The following CD5L variants were observed in gnomAD, a reference collection of about 807,000 sequenced individuals.
CD5L encodes CD5 molecule like.
Under a neutral mutation model 40.8 loss-of-function variants are expected in CD5L, and 39 were observed. The ratio of observed to expected loss-of-function variants is 0.96; its 90% CI spans 0.74 to 1.25. The LOEUF (loss-of-function observed/expected upper bound fraction) is 1.25. Ranked by LOEUF, CD5L falls within the 50% of genes most tolerant of loss-of-function variation. The probability of loss-of-function intolerance (pLI) is 0.00; values close to 1 mark genes in which losing one functional copy is unlikely to be tolerated. For synonymous variants in CD5L, 192 were observed against 169.6 expected, an observed-to-expected ratio of 1.13 and a Z score of -1.03; for missense variants, 433 against 435.9, an observed-to-expected ratio of 0.99 and a Z score of 0.06.
In CD5L at chr1:157,841,726, G is replaced by A. The variant is rs1451486305; in HGVS notation, c.-25C>T. The A allele has an allele frequency of 1.4e-5, 22 of 1,611,140 alleles. No homozygotes were observed. Among genetic ancestry groups the A allele is most frequent in the Non-Finnish European group, 1.9e-5 (22 of 1,178,130 alleles). On this transcript the variant is annotated 5_prime_UTR_variant, in exon 1 of 6. Transcript: ENST00000368174. ...TGACCAAGGCAGGTGAAGGTGATGA[G>A]CTGAAATTTAAGGCTAGAAGGAGGT...
Position 157,831,781 on chromosome 1 carries a change from G to A in CD5L, c.*183C>T, listed in dbSNP as rs1656055292. ...GGAACTCAACAGCTCACATCTACAG[G>A]CAGCAATGGGGGCTGCTTGTCCCTG... On this transcript the variant is annotated 3_prime_UTR_variant, in exon 6 of 6. Coordinates refer to ENST00000368174, the MANE Select transcript of CD5L (RefSeq NM_005894.3). 2.3e-6 allele frequency: 3 copies of A among 1,308,628 alleles called. No individual in the cohort carries two copies. The highest frequency in any genetic ancestry group is 2.9e-4 in the Middle Eastern group (1 of 3,396). The allele number at this position is 1,308,628 out of a possible 1,614,324, so 81.1% of individuals were successfully genotyped here. A position where few individuals can be genotyped will look rare whatever the true frequency, so the allele number is the denominator to read the frequency against.
Position 157,840,442 on chromosome 1 carries a change from T to G in CD5L, c.29-1032A>C, listed in dbSNP as rs149910394. Among the ~76,000 whole-genome samples the G allele has an allele frequency of 2.6e-5, 4 of 152,268 alleles. No individual in the cohort carries two copies. In the East Asian group the frequency reaches 7.7e-4, roughly 29 times the overall value. ...TATCTTTGGACCTCCAGCCTACAGT[T>G]TTTCAGGCAGATTCAAGTAGTTCAG... On this transcript the variant is annotated intron_variant, in intron 1 of 5. Coordinates refer to ENST00000368174, the MANE Select transcript of CD5L (RefSeq NM_005894.3).
In CD5L at chr1:157,834,541, G is replaced by T. The variant is rs927366784; in HGVS notation, c.584C>A (p.Ala195Asp). The T allele has an allele frequency of 1.2e-6, 2 of 1,614,212 alleles. No individual in the cohort carries two copies. The highest frequency in any genetic ancestry group is 4.5e-5 in the East Asian group (2 of 44,880). The change falls in exon 4 of 6, where the codon GCC becomes GAC. Residue 195 changes from alanine (A) to aspartate (D), a missense_variant. Transcript: ENST00000368174. ...VLTQKRCNKH[A>D]YGRKPIWLSQ... ...CAGCCAGATGGGTTTTCGGCCATAG[G>T]CATGCTTGTTGCAGCGTTTTTGAGT... is the stretch of plus-strand genomic sequence containing the variant.
rs966958477 is a variant in CD5L at position 157,836,258 on chromosome 1, A to C, written c.56-103T>G. 1.1e-5 allele frequency: 10 copies of C among 935,112 alleles called. No homozygotes were observed. The African/African-American group carries it at 1.3e-4, about 12-fold the overall frequency. 57.9% of individuals were successfully genotyped at this position (935,112 alleles called of 1,614,324 possible). A position where few individuals can be genotyped will look rare whatever the true frequency, so the allele number is the denominator to read the frequency against. On this transcript the variant is annotated intron_variant, in intron 2 of 5. Transcript: ENST00000368174. ...GACTCTTCCACCATTCAAATGGTGC[A>C]GAGTGTTGGGGAACTAGAAATAAGG...
chr1:157,832,005 A>G (rs918175110), intron 5 of CD5L, 37 bp from the exon 6 acceptor site: 3 of 1,473,224 alleles, frequency 2.0e-6, no homozygotes, highest in Admixed American at 1.9e-5. Flanking sequence ...AAGGATGGGT[A>G]TAGTCCAGGA....
chr1:157,835,937 G>T lies in CD5L; in HGVS notation c.274C>A (p.Gln92Lys). The change falls in exon 3 of 6, where the codon CAA becomes AAA. Residue 92 changes from glutamine to lysine, a missense_variant. Physicochemically the swap from Gln to Lys is moderately conservative, Grantham distance 53. Coordinates refer to ENST00000368174, the MANE Select transcript of CD5L (RefSeq NM_005894.3). ...TCTGTTCCTGTGCAACTGACTGATT[G>T]GATGAGGACCTTTTGCTCTTTTTCT... ...PAEKEQKVLI[Q>K]SVSCTGTEDT... 1 of 1,614,180 alleles carries T rather than the reference G, an allele frequency of 6.2e-7. No individual in the cohort carries two copies. The highest frequency in any genetic ancestry group is 2.2e-5 in the East Asian group (1 of 44,892).
rs1420420856 is a variant in CD5L, at chr1:157,831,893, T to A, written c.*71A>T. On this transcript the variant is annotated 3_prime_UTR_variant, in exon 6 of 6. Transcript: ENST00000368174. Reference sequence around the variant, plus strand: ...CTGAGCCCCAGAATGAGTATGAGGATAATCAGGGCTCAGGAGAACAAGCAG... The same window carrying A: ...CTGAGCCCCAGAATGAGTATGAGGAAAATCAGGGCTCAGGAGAACAAGCAG... 6.6e-7 allele frequency: 1 copy of A among 1,522,086 alleles called. No homozygotes were observed. Among genetic ancestry groups the A allele is most frequent in the East Asian group, 2.4e-5 (1 of 42,156 alleles). The allele number at this position is 1,522,086 out of a possible 1,614,324, so 94.3% of individuals were successfully genotyped here.
chr1:157,831,111 G>C lies in CD5L; in HGVS notation c.*853C>G. 1 of 985,264 alleles carries C rather than the reference G, an allele frequency of 1.0e-6. No homozygotes were observed. Among genetic ancestry groups the C allele is most frequent in the Non-Finnish European group, 1.2e-6 (1 of 829,904 alleles). 61.0% of individuals were successfully genotyped at this position (985,264 alleles called of 1,614,324 possible). ...AGTGAAAATGATATTTTTCACTTTC[G>C]CTTGGCATAAGACACAACTTTAGCC... On this transcript the variant is annotated 3_prime_UTR_variant, in exon 6 of 6. Coordinates refer to ENST00000368174, the MANE Select transcript of CD5L (RefSeq NM_005894.3).
chr1:157,831,319 T>C lies in CD5L; in HGVS notation c.*645A>G. The stretch of plus-strand genomic sequence containing the variant: ...AATCAGAGGATGAAACATCATTTTT[T>C]ACACGTCATGAAAAGGTCTAGGATT... On this transcript the variant is annotated 3_prime_UTR_variant, in exon 6 of 6. Coordinates refer to ENST00000368174, the MANE Select transcript of CD5L (RefSeq NM_005894.3). 1.0e-6 allele frequency: 1 copy of C among 985,426 alleles called. No individual in the cohort carries two copies. Among genetic ancestry groups the C allele is most frequent in the Non-Finnish European group, 1.2e-6 (1 of 829,930 alleles). The allele number at this position is 985,426 out of a possible 1,614,324, so 61.0% of individuals were successfully genotyped here.
Position 157,831,035 on chromosome 1 carries a change from C to T in CD5L, c.*929G>A. The T allele has an allele frequency of 1.0e-6, 1 of 985,148 alleles. No homozygotes were observed. Among genetic ancestry groups the T allele is most frequent in the Non-Finnish European group, 1.2e-6 (1 of 829,708 alleles). 61.0% of individuals were successfully genotyped at this position (985,148 alleles called of 1,614,324 possible). A position where few individuals can be genotyped will look rare whatever the true frequency, so the allele number is the denominator to read the frequency against. On this transcript the variant is annotated 3_prime_UTR_variant, in exon 6 of 6. Coordinates refer to ENST00000368174, the MANE Select transcript of CD5L (RefSeq NM_005894.3). ...ATTTTTACAATCAAGTCTTGATTCT[C>T]TTATTTCTGTCTTGCCTCAAGCTTA...
chr1:157,831,099 T>C lies in CD5L; in HGVS notation c.*865A>G. ...CTCAGTTGATAAAGTGAAAATGATATTTTTCACTTTCGCTTGGCATAAGAC... is the reference window on the plus strand; with the variant it reads ...CTCAGTTGATAAAGTGAAAATGATACTTTTCACTTTCGCTTGGCATAAGAC... On this transcript the variant is annotated 3_prime_UTR_variant, in exon 6 of 6. Transcript: ENST00000368174. 1.0e-6 allele frequency: 1 copy of C among 985,424 alleles called. No homozygotes were observed. Among genetic ancestry groups the C allele is most frequent in the Non-Finnish European group, 1.2e-6 (1 of 829,906 alleles). The allele number at this position is 985,424 out of a possible 1,614,324, so 61.0% of individuals were successfully genotyped here. A position where few individuals can be genotyped will look rare whatever the true frequency, so the allele number is the denominator to read the frequency against.
At chr1:157,835,024 A>G (rs907314143) in intron 3 of CD5L, among the ~76,000 whole-genome samples, 3 of 152,258 alleles carry the variant, frequency 2.0e-5, no homozygotes, top group Non-Finnish European at 4.4e-5. Flanking sequence ...TCCTCACAAG[A>G]GATCTTGTAT....
intron 1 of CD5L, among the ~76,000 whole-genome samples, chr1:157,841,231 A>G (rs1020320519): frequency 6.6e-6 from 1 of 152,202 alleles, no homozygotes; most frequent in Non-Finnish European, 1.5e-5. Context: ...TACTCTAAGC[A>G]ATGAGAAACT....
chr1:157,830,371 T>G (rs746194148), downstream of CD5L, among the ~76,000 whole-genome samples: 5 of 152,300 alleles, frequency 3.3e-5, no homozygotes, highest in Non-Finnish European at 7.4e-5. Flanking sequence ...TCTTCAGTGT[T>G]TTTTCATCCT....
downstream of CD5L, among the ~76,000 whole-genome samples, chr1:157,830,524 A>T (rs1356586277): frequency 6.6e-6 from 1 of 151,504 alleles, no homozygotes; most frequent in African/African-American, 2.4e-5. Context: ...CCCTCCTCCC[A>T]CTCTCTGTCT....
chr1:157,837,654 C>T (rs936799175), intron 2 of CD5L, among the ~76,000 whole-genome samples: 10 of 152,240 alleles, frequency 6.6e-5, no homozygotes, highest in Admixed American at 5.2e-4. Context: ...ATGGATAGAA[C>T]GTGACTGCTG....
Position 157,833,187 on chromosome 1 carries a change from C to G in CD5L, c.1039+5G>C. 6.2e-7 allele frequency: 1 copy of G among 1,606,428 alleles called. No individual in the cohort carries two copies. The highest frequency in any genetic ancestry group is 8.5e-7 in the Non-Finnish European group (1 of 1,174,462). ...GCCCTTATGAACTCCATCTGTAGGA[C>G]TCACCTGAGCAGATGACAGCCACAT... On this transcript the variant is annotated splice_donor_5th_base_variant and intron_variant, in intron 5 of 5. Coordinates refer to ENST00000368174, the MANE Select transcript of CD5L (RefSeq NM_005894.3).
chr1:157,831,143 G>C lies in CD5L; in HGVS notation c.*821C>G. The C allele has an allele frequency of 1.0e-6, 1 of 985,136 alleles. No homozygotes were observed. Among genetic ancestry groups the C allele is most frequent in the Non-Finnish European group, 1.2e-6 (1 of 829,764 alleles). The allele number at this position is 985,136 out of a possible 1,614,324, so 61.0% of individuals were successfully genotyped here. On this transcript the variant is annotated 3_prime_UTR_variant, in exon 6 of 6. Coordinates refer to ENST00000368174, the MANE Select transcript of CD5L (RefSeq NM_005894.3). ...ATAAGACACAACTTTAGCCCTCCCT[G>C]ATCTCTTTCTGCCTCTTTCTTGACC...
At position 157,833,283 on chromosome 1, in the gene CD5L, T is replaced by G. The variant is rs1656098531; in HGVS notation, c.948A>C (p.Ser316=). ...ACTGCTCCAGGGACTGCTCCTCCCC[T>G]GAGCAACGAACATTATCCAGCCAGA... The part of the protein sequence containing the change: ...GRIWLDNVRC[S]GEEQSLEQCQ... Residue 316 remains serine (S), a synonymous_variant, in exon 5 of 6, where the codon TCA becomes TCC. Coordinates refer to ENST00000368174, the MANE Select transcript of CD5L (RefSeq NM_005894.3). 6.2e-7 allele frequency: 1 copy of G among 1,614,018 alleles called. No homozygotes were observed. The highest frequency in any genetic ancestry group is 1.1e-5 in the South Asian group (1 of 91,082).
Sources: allele counts gnomAD v4.1 joint callset (sites outside exome capture counted in the v4.1 genomes callset), GRCh38; gene constraint gnomAD v4.1.1; transcripts MANE v1.5; gene names NCBI Gene and HGNC (gene_info 2026-07-23, HGNC 2026-07-21).